The following ABCA7 variants were observed in gnomAD, a reference collection of about 807,000 sequenced individuals.
ABCA7 encodes phospholipid-transporting ATPase ABCA7.
A neutral mutation model predicts 227.6 loss-of-function variants in ABCA7; 261 were observed. The ratio of observed to expected loss-of-function variants is 1.15; its 90% CI spans 1.04 to 1.27. The LOEUF (loss-of-function observed/expected upper bound fraction) is 1.27, where lower values mean the gene tolerates loss of function less well. Among genes scored for constraint, ABCA7 ranks in the 50% most tolerant of loss-of-function variants. The pLI, the probability that ABCA7 is intolerant of heterozygous loss-of-function variation, is 0.00. For synonymous variants in ABCA7, 1,488 were observed against 1,279.7 expected (o/e 1.16, Z -3.47); for missense variants, 3,331 against 2,924.5 (o/e 1.14, Z -3.21).
At chr19:1,045,477 G>T in intron 12 of ABCA7, 2 of 529,600 alleles carry the variant, frequency 3.8e-6, no homozygotes, top group Non-Finnish European at 6.8e-6. Context: ...TAGGTTGAGG[G>T]CAATGGTGGG....
Position 1,056,884 on chromosome 19 carries a change from A to G in ABCA7, c.4587-23A>G, listed in dbSNP as rs141992013. The G allele has an allele frequency of 1.8e-5, 29 of 1,606,860 alleles. No homozygotes were observed. In the Admixed American group the frequency reaches 3.5e-4, roughly 19 times the overall value. On this transcript the variant is annotated intron_variant, in intron 33 of 46. Coordinates refer to ENST00000263094, the MANE Select transcript of ABCA7 (RefSeq NM_019112.4). The surrounding 1 kb of genome is among the most constrained non-coding windows in gnomAD (Gnocchi z 4.3). ...AACCCATGCACCCTCACCCTACAACAGCTCTCATGTCTTCACCTCCAGGAT... is the reference window on the plus strand; with the variant it reads ...AACCCATGCACCCTCACCCTACAACGGCTCTCATGTCTTCACCTCCAGGAT...
chr19:1,060,209 T>TATATATATATATATATATATATATATA (rs3971800), intron 40 of ABCA7, among the ~76,000 whole-genome samples: 6 of 33,850 alleles, frequency 1.8e-4, no homozygotes, highest in African/African-American at 5.1e-4. Flanking sequence ...ATATATATAT[T>TATATATATATATATATATATATATATA]TTTTTTTCTT....
rs369777029 is a variant in ABCA7, at chr19:1,049,379, T to C, written c.2494T>C (p.Tyr832His). Residue 832 changes from tyrosine (Y) to histidine (H), a missense_variant, in exon 18 of 47, where the codon TAC becomes CAC. Physicochemically the swap from Tyr to His is moderately conservative, Grantham distance 83. Transcript: ENST00000263094. ...CCTGCGGGGGCTCAGCCTGGACTTC[T>C]ACCAGGGCCACATCACCGCCTTCCT... ...PALRGLSLDF[Y>H]QGHITAFLGH... 6 of 1,611,164 alleles carry C rather than the reference T, an allele frequency of 3.7e-6. No homozygotes were observed. The highest frequency in any genetic ancestry group is 1.1e-5 in the South Asian group (1 of 91,052).
At position 1,042,334 on chromosome 19, in the gene ABCA7, G is replaced by A. The variant is rs567365461; in HGVS notation, c.435G>A (p.Lys145=). The A allele has an allele frequency of 2.1e-4, 337 of 1,584,484 alleles. 3 individuals are homozygous for A. In the South Asian group the frequency reaches 3.6e-3, roughly 17 times the overall value. The change falls in exon 6 of 47, where the codon AAG becomes AAA. Residue 145 remains lysine (K), a synonymous_variant. Coordinates refer to ENST00000263094, the MANE Select transcript of ABCA7 (RefSeq NM_019112.4). The stretch of plus-strand genomic sequence containing the variant: ...CCCCAGCCCAGCCTCAACCAACCAA[G>A]CAGTCTCCACTGGAACCACCCATGC... ...ARSTAQPQPT[K]QSPLEPPMLD...
chr19:1,053,943 C>T, intron 25 of ABCA7, 63 bp from the exon 26 acceptor site: 1 of 1,606,100 alleles, frequency 6.2e-7, no homozygotes. Context: ...TACCCTATAC[C>T]TGATTCCTGA....
In ABCA7 at chr19:1,057,101, G is replaced by T; in HGVS notation, c.4764+17G>T. The T allele has an allele frequency of 1.2e-6, 2 of 1,604,870 alleles. No individual in the cohort carries two copies. The highest frequency in any genetic ancestry group is 1.7e-6 in the Non-Finnish European group (2 of 1,175,592). On this transcript the variant is annotated intron_variant, in intron 34 of 46. Coordinates refer to ENST00000263094, the MANE Select transcript of ABCA7 (RefSeq NM_019112.4). ...TGGGACATGGTGCGGGGGCTGCTTG[G>T]ACGGGTGGGGGCCCAGCCACTGCTT... is the stretch of plus-strand genomic sequence containing the variant.
In ABCA7 at chr19:1,049,328, C is replaced by T. The variant is rs373849833; in HGVS notation, c.2443C>T (p.Arg815Cys). ...CGTCTCCGTTCGCAGCCTGGAGAAGCGCTTTCCTGGAAGCCCGCAGCCAGC... is the reference window on the plus strand; with the variant it reads ...CGTCTCCGTTCGCAGCCTGGAGAAGTGCTTTCCTGGAAGCCCGCAGCCAGC... ...PGVSVRSLEK[R>C]FPGSPQPALR... Residue 815 changes from arginine to cysteine, a missense_variant, in exon 18 of 47, where the codon CGC becomes TGC. By Grantham distance (180) the Arg-to-Cys change is radical. Coordinates refer to ENST00000263094, the MANE Select transcript of ABCA7 (RefSeq NM_019112.4). 2.5e-5 allele frequency: 40 copies of T among 1,611,482 alleles called. No homozygotes were observed. The highest frequency in any genetic ancestry group is 1.2e-4 in the African/African-American group (9 of 74,784).
chr19:1,045,295 G>A, intron 12 of ABCA7, 64 bp downstream of exon 12: 1 of 1,432,908 alleles, frequency 7.0e-7, no homozygotes, highest in Non-Finnish European at 9.5e-7. Flanking sequence ...GGTGGGTGGG[G>A]CCAGGCAGCA....
intron 37 of ABCA7, 139 bp from the exon 38 acceptor site, chr19:1,058,479 T>C (rs2042435702): frequency 1.4e-6 from 2 of 1,455,264 alleles, no homozygotes; most frequent in Admixed American, 2.6e-5. Context: ...CTCTTCTGTT[T>C]TCTATGCCAA....
intron 9 of ABCA7, 94 bp from the exon 10 acceptor site, chr19:1,043,631 G>C: frequency 1.3e-6 from 2 of 1,531,382 alleles, no homozygotes; most frequent in Non-Finnish European, 1.8e-6. Context: ...CGGAGGATCA[G>C]AGGCACACGC....
rs963742566 is a variant in ABCA7, at chr19:1,063,744, C to T, written c.5848-16C>T. The T allele has an allele frequency of 7.1e-6, 11 of 1,548,286 alleles. No homozygotes were observed. Among genetic ancestry groups the T allele is most frequent in the Admixed American group, 2.0e-5 (1 of 51,168 alleles). ...GGAGGCGGGGCCTTGCTTATGGGAT[C>T]TTCCGTGCTCCCCAGGACGAGCCGA... is the stretch of plus-strand genomic sequence containing the variant. On this transcript the variant is annotated splice_polypyrimidine_tract_variant and intron_variant, in intron 43 of 46. Coordinates refer to ENST00000263094, the MANE Select transcript of ABCA7 (RefSeq NM_019112.4).
chr19:1,059,151 A>T, intron 40 of ABCA7, 66 bp downstream of exon 40: 1 of 1,553,422 alleles, frequency 6.4e-7, no homozygotes, highest in Non-Finnish European at 8.7e-7. Context: ...TGCCCTGCCC[A>T]TCATCCTTTA....
At chr19:1,050,782 AAATAAT>A (rs145363837) in intron 18 of ABCA7, 133 bp from the exon 19 acceptor site, 5,158 of 358,848 alleles carry the variant, frequency 0.014, 133 homozygotes, top group African/African-American at 0.063. Flanking sequence ...TCCGTCTCAA[AAATAAT>A]AATAATAATA....
chr19:1,063,457 A>G, intron 42 of ABCA7, 87 bp from the exon 43 acceptor site: 2 of 1,527,628 alleles, frequency 1.3e-6, no homozygotes, highest in South Asian at 1.2e-5. Flanking sequence ...CCCCTGCTCC[A>G]CACTCAATGC....
Position 1,049,276 on chromosome 19 carries a change from A to C in ABCA7, c.2391A>C (p.Glu797Asp). ...PTPLDPKVLV[E>D]EAPPGLSPGV... ...ACCCCATCTCTGCAGTGCTGGTAGA[A>C]GAGGCACCGCCCGGCCTGAGTCCTG... The change falls in exon 18 of 47, where the codon GAA becomes GAC. Residue 797 changes from glutamate (E) to aspartate (D), a missense_variant. Glu to Asp is a conservative substitution (Grantham distance 45). Coordinates refer to ENST00000263094, the MANE Select transcript of ABCA7 (RefSeq NM_019112.4). 10 of 1,605,810 alleles carry C rather than the reference A, an allele frequency of 6.2e-6. No individual in the cohort carries two copies. The highest frequency in any genetic ancestry group is 8.5e-6 in the Non-Finnish European group (10 of 1,175,386).
chr19:1,040,352 G>C (rs1480845294), intron 1 of ABCA7, among the ~76,000 whole-genome samples, 156 bp downstream of exon 1: 1 of 152,286 alleles, frequency 6.6e-6, no homozygotes, highest in East Asian at 1.9e-4. Context: ...ATTCTCAAGG[G>C]GGGCATCGGA....
chr19:1,051,762 G>A (rs1005687543), intron 21 of ABCA7, among the ~76,000 whole-genome samples, 176 bp downstream of exon 21: 9 of 152,130 alleles, frequency 5.9e-5, no homozygotes, highest in Non-Finnish European at 1.3e-4. Context: ...ATAGACAGAG[G>A]TTCCCCTGGA....
chr19:1,063,918 G>A (rs1216820471), intron 44 of ABCA7, 55 bp downstream of exon 44: 26 of 1,477,624 alleles, frequency 1.8e-5, no homozygotes, highest in Middle Eastern at 3.6e-4. Flanking sequence ...GGCCTGGAGA[G>A]AGAGCCCCAA....
rs750102812 is a variant in ABCA7, at chr19:1,057,024, G to A, written c.4704G>A (p.Leu1568=). ...AGCGAGTCACCCGAGCCAAGCACCT[G>A]CAGCTCATGGGGGGCCTGTCCCCCA... ...IEERVTRAKH[L]QLMGGLSPTL... is the part of the protein sequence containing the mutation. Residue 1568 remains leucine (L), a synonymous_variant, in exon 34 of 47, where the codon CTG becomes CTA. Transcript: ENST00000263094. 8 of 1,613,772 alleles carry A rather than the reference G, an allele frequency of 5.0e-6. No individual in the cohort carries two copies. The Admixed American group carries it at 8.3e-5, about 17-fold the overall frequency.
Sources: allele counts gnomAD v4.1 joint callset (sites outside exome capture counted in the v4.1 genomes callset), GRCh38; gene constraint gnomAD v4.1.1; non-coding constraint Gnocchi (gnomAD v3.1); transcripts MANE v1.5; gene names NCBI Gene and HGNC (gene_info 2026-07-23, HGNC 2026-07-21).